The following CDKAL1 variants were observed in gnomAD, a reference collection of about 807,000 sequenced individuals.
CDKAL1 encodes the protein threonylcarbamoyladenosine tRNA methylthiotransferase.
A neutral mutation model predicts 68.2 loss-of-function variants in CDKAL1; 32 were observed. The ratio of observed to expected loss-of-function variants is 0.47; its 90% CI spans 0.35 to 0.63. The LOEUF is 0.63. CDKAL1 is among the 30% of genes least tolerant of loss of function. CDKAL1 has a pLI of 0.00. For synonymous variants in CDKAL1, 234 were observed against 244.3 expected (o/e 0.96, Z 0.39); for missense variants, 606 against 696.7 (o/e 0.87, Z 1.47).
intron 11 of CDKAL1, among the ~76,000 whole-genome samples, chr6:21,046,937 A>C (rs1367070516): frequency 1.3e-5 from 2 of 152,228 alleles, no homozygotes; most frequent in Non-Finnish European, 2.9e-5. Context: ...ACCTTGCTTC[A>C]ACCTTAAAGA....
intron 5 of CDKAL1, among the ~76,000 whole-genome samples, chr6:20,671,707 G>C (rs532772132): frequency 5.9e-5 from 9 of 151,966 alleles, no homozygotes; most frequent in African/African-American, 2.2e-4. Context: ...AAATGTTCTA[G>C]TGCTCTTTTA....
At chr6:20,878,269 T>C (rs1217076421) in intron 9 of CDKAL1, among the ~76,000 whole-genome samples, 2 of 152,170 alleles carry the variant, frequency 1.3e-5, no homozygotes, top group African/African-American at 4.8e-5. Flanking sequence ...AGGCTTTAGA[T>C]AGTAACTGGG....
intron 8 of CDKAL1, among the ~76,000 whole-genome samples, chr6:20,813,038 G>A (rs1429967631): frequency 6.6e-6 from 1 of 152,144 alleles, no homozygotes; most frequent in Non-Finnish European, 1.5e-5. Flanking sequence ...ATACCTCAGT[G>A]CAATTTTAAT....
chr6:21,080,801 T>C (rs1772354581), intron 12 of CDKAL1, among the ~76,000 whole-genome samples: 1 of 152,120 alleles, frequency 6.6e-6, no homozygotes, highest in African/African-American at 2.4e-5. Context: ...TGGAGCCGTG[T>C]TTTTGTGGGA....
chr6:21,147,245 A>T (rs1173937319), intron 13 of CDKAL1, among the ~76,000 whole-genome samples: 1 of 152,242 alleles, frequency 6.6e-6, no homozygotes, highest in East Asian at 1.9e-4. Context: ...TATTTAGTAT[A>T]AAGAATGCTC....
chr6:20,930,258 A>T (rs193278085), intron 9 of CDKAL1, among the ~76,000 whole-genome samples: 7 of 1,880 alleles, frequency 3.7e-3, no homozygotes, highest in Non-Finnish European at 4.4e-3. Flanking sequence ...AACGTGAATT[A>T]AAAAAAAAAA....
chr6:21,001,235 T>C (rs1767411000), intron 11 of CDKAL1, among the ~76,000 whole-genome samples: 1 of 152,250 alleles, frequency 6.6e-6, no homozygotes, highest in Non-Finnish European at 1.5e-5. Context: ...ATACAACTTT[T>C]TATTTCCATC....
intron 5 of CDKAL1, among the ~76,000 whole-genome samples, chr6:20,729,996 T>A (rs1172333609): frequency 1.3e-5 from 2 of 152,010 alleles, no homozygotes; most frequent in Non-Finnish European, 2.9e-5. Context: ...AAGGAGGTGG[T>A]TGGAGACAGA....
chr6:21,134,666 A>C (rs1775491752), intron 13 of CDKAL1, among the ~76,000 whole-genome samples: 2 of 152,150 alleles, frequency 1.3e-5, no homozygotes, highest in Non-Finnish European at 2.9e-5. Context: ...GTTGAGAAAT[A>C]AGTAAACTAC....
intron 10 of CDKAL1, among the ~76,000 whole-genome samples, chr6:20,999,924 T>G (rs958710043): frequency 1.3e-5 from 2 of 152,176 alleles, no homozygotes; most frequent in Non-Finnish European, 2.9e-5. Flanking sequence ...AAATGGTGTT[T>G]GTTTTGGAAT....
chr6:21,130,242 G>A (rs1446622779), intron 13 of CDKAL1, among the ~76,000 whole-genome samples: 1 of 37,850 alleles, frequency 2.6e-5, no homozygotes, highest in Non-Finnish European at 5.1e-5. Context: ...TTTTTTTTTT[G>A]AGATGTAGTT....
chr6:21,083,971 C>T (rs888336901), intron 12 of CDKAL1, among the ~76,000 whole-genome samples: 5 of 152,102 alleles, frequency 3.3e-5, no homozygotes, highest in South Asian at 2.1e-4. Flanking sequence ...CCTTTATCGG[C>T]GATGCTAAAT....
chr6:20,570,763 A>T (rs1371447276), intron 4 of CDKAL1, among the ~76,000 whole-genome samples: 3 of 152,222 alleles, frequency 2.0e-5, no homozygotes, highest in Non-Finnish European at 4.4e-5. Flanking sequence ...AAACTGTAGA[A>T]GGAAAATCCT....
chr6:20,648,007 G>A (rs1036917124), intron 4 of CDKAL1, among the ~76,000 whole-genome samples: 3 of 150,066 alleles, frequency 2.0e-5, no homozygotes, highest in Admixed American at 1.3e-4. Context: ...CCCAGGAGAC[G>A]GAGGTTGCAG....
intron 10 of CDKAL1, among the ~76,000 whole-genome samples, chr6:20,987,172 G>C (rs1007639863): frequency 1.3e-5 from 2 of 151,814 alleles, no homozygotes; most frequent in African/African-American, 4.8e-5. Flanking sequence ...TTAAGTTTTG[G>C]TTACCTATGT....
intron 4 of CDKAL1, among the ~76,000 whole-genome samples, chr6:20,648,416 C>T (rs1010029494): frequency 6.6e-6 from 1 of 152,054 alleles, no homozygotes; most frequent in African/African-American, 2.4e-5. Context: ...GAGTGAGCCA[C>T]TGCGCCCGGT....
At chr6:21,099,037 A>C (rs927110864) in intron 12 of CDKAL1, among the ~76,000 whole-genome samples, 1 of 152,182 alleles carries the variant, frequency 6.6e-6, no homozygotes, top group Non-Finnish European at 1.5e-5. Context: ...CAAAGGTTCT[A>C]AACTGTGGCT....
intron 9 of CDKAL1, among the ~76,000 whole-genome samples, chr6:20,885,957 G>A (rs1005519079): frequency 6.6e-6 from 1 of 151,948 alleles, no homozygotes; most frequent in African/African-American, 2.4e-5. Flanking sequence ...GAAATCGCTT[G>A]AACCAGGAGG....
At chr6:20,974,996 A>C (rs1349006989) in intron 10 of CDKAL1, among the ~76,000 whole-genome samples, 1 of 151,520 alleles carries the variant, frequency 6.6e-6, no homozygotes, top group Non-Finnish European at 1.5e-5. Flanking sequence ...AAAAAAAAAA[A>C]AAAAAGGAAA....
Sources: gnomAD v4.1 joint callset for allele counts (sites outside exome capture counted in the v4.1 genomes callset) on GRCh38, gnomAD v4.1.1 for gene constraint, MANE v1.5 for transcripts, NCBI Gene and HGNC (gene_info 2026-07-23, HGNC 2026-07-21) for gene names.